Variants in THSD4 observed in about 807,000 individuals in gnomAD.
THSD4 encodes thrombospondin type-1 domain-containing protein 4.
In THSD4, 69 loss-of-function variants were observed where a neutral mutation model predicts 119.0. The ratio of observed to expected loss-of-function variants is 0.58; its 90% CI spans 0.48 to 0.71. THSD4 has a LOEUF of 0.71. THSD4 is among the 30% of genes least tolerant of loss of function. THSD4 has a pLI of 0.00. For synonymous variants in THSD4, 524 were observed against 540.4 expected, an observed-to-expected ratio of 0.97 and a Z score of 0.42; for missense variants, 1,393 against 1,391.1, an observed-to-expected ratio of 1.00 and a Z score of -0.02.
chr15:71,264,425 A>T (rs2140297469), intron 6 of THSD4, among the ~76,000 whole-genome samples: 1 of 152,362 alleles, frequency 6.6e-6, no homozygotes, highest in Non-Finnish European at 1.5e-5. Flanking sequence ...GATACCTGGC[A>T]AGACTAGGCC....
chr15:71,744,307 A>G (rs56085726), intron 11 of THSD4, among the ~76,000 whole-genome samples: 2,237 of 152,234 alleles, frequency 0.015, 62 homozygotes, highest in African/African-American at 0.051. Context: ...TCAAACATTC[A>G]TTCAACACGG....
At chr15:71,686,370 T>C (rs1339787121) in intron 8 of THSD4, among the ~76,000 whole-genome samples, 1 of 152,192 alleles carries the variant, frequency 6.6e-6, no homozygotes, top group Non-Finnish European at 1.5e-5. Context: ...AGGGCTGAGG[T>C]GAGAAAGAAA....
chr15:71,265,980 C>T (rs2044461219), intron 6 of THSD4, among the ~76,000 whole-genome samples: 2 of 152,186 alleles, frequency 1.3e-5, no homozygotes, highest in South Asian at 2.1e-4. Flanking sequence ...AGACAAAATC[C>T]CCATCTCCCT....
chr15:71,116,748 C>A (rs1268189248), intron 1 of THSD4, among the ~76,000 whole-genome samples: 1 of 152,018 alleles, frequency 6.6e-6, no homozygotes, highest in East Asian at 1.9e-4. Context: ...CACCCAGGAC[C>A]CCTGACAGTC....
chr15:71,442,666 A>ATGTG lies in THSD4; in HGVS notation c.1152+30844_1152+30845insGTGT, dbSNP rs1247659643. On this transcript the variant is annotated intron_variant, in intron 7 of 17. Transcript: ENST00000261862. The stretch of plus-strand genomic sequence containing the variant: ...TATATGTGTGTGTGTGTGTGTATAT[A>ATGTG]TATATATATATATATATATATATAT... Among the ~76,000 whole-genome samples, 26 of 30,792 alleles carry ATGTG rather than the reference A, an allele frequency of 8.4e-4. 1 individual carries two copies. Among genetic ancestry groups the ATGTG allele is most frequent in the Admixed American group, 1.5e-3 (4 of 2,698 alleles). The allele number at this position is 30,792 out of a possible 152,430, so 20.2% of individuals were successfully genotyped here. A position where few individuals can be genotyped will look rare whatever the true frequency, so the allele number is the denominator to read the frequency against.
At chr15:71,595,566 C>T (rs1478320051) in intron 7 of THSD4, among the ~76,000 whole-genome samples, 1 of 151,930 alleles carries the variant, frequency 6.6e-6, no homozygotes, top group East Asian at 1.9e-4. Context: ...TTTCAAATGT[C>T]TTTATCAGCA....
At chr15:71,281,449 A>T (rs910992543) in intron 6 of THSD4, among the ~76,000 whole-genome samples, 2 of 152,218 alleles carry the variant, frequency 1.3e-5, no homozygotes, top group African/African-American at 2.4e-5. Context: ...ACATTCTTGT[A>T]TTTGTGGATC....
intron 7 of THSD4, among the ~76,000 whole-genome samples, chr15:71,480,318 A>G (rs1157747131): frequency 6.6e-6 from 1 of 152,152 alleles, no homozygotes; most frequent in East Asian, 1.9e-4. Context: ...GATTACAGGC[A>G]TGTGCCACCA....
At chr15:71,250,112 G>T (rs1377687757) in intron 5 of THSD4, among the ~76,000 whole-genome samples, 2 of 151,994 alleles carry the variant, frequency 1.3e-5, no homozygotes, top group Admixed American at 6.6e-5. Context: ...TCTCGTGTTG[G>T]GCTATAAGTC....
At chr15:71,542,481 A>G (rs902955593) in intron 7 of THSD4, among the ~76,000 whole-genome samples, 1 of 152,192 alleles carries the variant, frequency 6.6e-6, no homozygotes, top group African/African-American at 2.4e-5. Context: ...TCATATTGAA[A>G]TAGAATACCC....
At chr15:71,228,154 G>T (rs764406700) in intron 4 of THSD4, among the ~76,000 whole-genome samples, 5 of 152,058 alleles carry the variant, frequency 3.3e-5, no homozygotes, top group Non-Finnish European at 5.9e-5. Context: ...GGATTATTCA[G>T]GTGAGTTCTA....
At chr15:71,637,243 C>G (rs2050762892) in intron 7 of THSD4, among the ~76,000 whole-genome samples, 1 of 152,210 alleles carries the variant, frequency 6.6e-6, no homozygotes, top group Non-Finnish European at 1.5e-5. Flanking sequence ...TTCTCATTTG[C>G]TTTCAAAGCA....
chr15:71,446,838 G>T (rs1450213360), intron 7 of THSD4, among the ~76,000 whole-genome samples: 1 of 152,172 alleles, frequency 6.6e-6, no homozygotes, highest in East Asian at 1.9e-4. Flanking sequence ...AGGAGGAGGA[G>T]CCTATTCTTT....
chr15:71,409,916 G>T (rs959389525), intron 6 of THSD4, among the ~76,000 whole-genome samples: 3 of 150,770 alleles, frequency 2.0e-5, no homozygotes, highest in African/African-American at 7.3e-5. Context: ...TTTACATACA[G>T]TGTGTACTTA....
At chr15:71,274,462 C>T (rs1403963948) in intron 6 of THSD4, among the ~76,000 whole-genome samples, 1 of 152,014 alleles carries the variant, frequency 6.6e-6, no homozygotes, top group Non-Finnish European at 1.5e-5. Context: ...TTTACACAGG[C>T]GCATGGGCCA....
intron 6 of THSD4, among the ~76,000 whole-genome samples, chr15:71,271,186 C>CT (rs1414600448): frequency 1.3e-5 from 2 of 152,018 alleles, no homozygotes; most frequent in African/African-American, 4.8e-5. Flanking sequence ...TTCACAGCAC[C>CT]TTTTTTCATA....
At chr15:71,235,588 T>C (rs2044097089) in intron 4 of THSD4, among the ~76,000 whole-genome samples, 1 of 149,078 alleles carries the variant, frequency 6.7e-6, no homozygotes, top group Non-Finnish European at 1.5e-5. Context: ...TCTCTCTTTT[T>C]TTTTTTTTTT....
chr15:71,662,176 A>G (rs2140998914), intron 8 of THSD4, among the ~76,000 whole-genome samples: 1 of 152,314 alleles, frequency 6.6e-6, no homozygotes, highest in Non-Finnish European at 1.5e-5. Context: ...AGGATCACCC[A>G]CAAGTTAACT....
intron 6 of THSD4, among the ~76,000 whole-genome samples, chr15:71,270,294 C>A (rs1032207812): frequency 6.6e-6 from 1 of 152,132 alleles, no homozygotes; most frequent in African/African-American, 2.4e-5. Context: ...AGAAATAATG[C>A]CACACTTCCA....
Sources: gnomAD v4.1 joint callset for allele counts (sites outside exome capture counted in the v4.1 genomes callset) on GRCh38, gnomAD v4.1.1 for gene constraint, MANE v1.5 for transcripts, NCBI Gene and HGNC (gene_info 2026-07-23, HGNC 2026-07-21) for gene names.